The following AATK variants were observed in gnomAD, a reference collection of about 807,000 sequenced individuals.
AATK encodes lemur tail kinase 1.
Under a neutral mutation model 114.3 loss-of-function variants are expected in AATK, and 91 were observed. The observed-to-expected ratio is 0.80, with a 90% CI of 0.67 to 0.95. The LOEUF (loss-of-function observed/expected upper bound fraction) is 0.95, where lower values mean the gene tolerates loss of function less well. AATK is among the 40% of genes least tolerant of loss of function. The pLI is 0.00. For synonymous variants in AATK, 1,075 were observed against 916.5 expected (o/e 1.17, Z -3.12); for missense variants, 2,176 against 1,965.2 (o/e 1.11, Z -2.03).
chr17:81,158,111 G>C (rs895463913), intron 1 of AATK, among the ~76,000 whole-genome samples: 7 of 152,210 alleles, frequency 4.6e-5, no homozygotes, highest in Non-Finnish European at 1.0e-4. Context: ...TGCCGGCCAC[G>C]GGTATTTCTA....
intron 1 of AATK, chr17:81,165,444 G>A (rs1022078942): frequency 5.6e-6 from 2 of 356,112 alleles, no homozygotes; most frequent in Non-Finnish European, 1.1e-5. Context: ...GCTCTGTAAT[G>A]TGGACTGGCC....
chr17:81,135,929 C>A (rs750610797), intron 1 of AATK: 1 of 152,308 alleles, frequency 6.6e-6, no homozygotes, highest in Admixed American at 6.5e-5. Flanking sequence ...CGGGTAGGGC[C>A]GTGAACAGAT....
Position 81,120,234 on chromosome 17 carries a change from G to T in AATK, c.3702C>A (p.Phe1234Leu). The T allele has an allele frequency of 6.3e-7, 1 of 1,589,132 alleles. No individual in the cohort carries two copies. The change falls in exon 11 of 14, where the codon TTC (phenylalanine) becomes TTA (leucine). Residue 1234 changes from phenylalanine to leucine, a missense_variant. Around this residue, in one of 4 missense-constraint regions of AATK, gnomAD observed 1,701 missense variants for 1,394.7 expected, o/e 1.22. Transcript: ENST00000326724. ...DLERKKKAVSFFDDVTVYLFD... is the reference protein window; with the variant it reads ...DLERKKKAVSLFDDVTVYLFD... ...AGAGGTAGACGGTGACGTCGTCGAA[G>T]AAGGACACGGCCTTCTTCTTGCGTT...
intron 2 of AATK, chr17:81,133,111 G>A (rs1360376575): frequency 2.5e-6 from 1 of 404,816 alleles, no homozygotes. Flanking sequence ...AGAGCAGGGT[G>A]GGGGCTCTGG....
In AATK at chr17:81,134,465, G is replaced by A. The variant is rs1265070657; in HGVS notation, c.92C>T (p.Ser31Phe). The change falls in exon 2 of 14, where the codon TCC becomes TTC. Residue 31 changes from serine to phenylalanine, a missense_variant. Coordinates refer to ENST00000326724, the MANE Select transcript of AATK (RefSeq NM_001080395.3). ...APLSELSWPS[S>F]LAVVAVSFSG... ...GAAAGACACAGCCACCACGGCGAGGGAGGATGGCCAGGACAGCTCGCTGAG... is the reference window on the plus strand; with the variant it reads ...GAAAGACACAGCCACCACGGCGAGGAAGGATGGCCAGGACAGCTCGCTGAG... The A allele has an allele frequency of 1.2e-6, 2 of 1,613,006 alleles. No homozygotes were observed. Among genetic ancestry groups the A allele is most frequent in the Non-Finnish European group, 1.7e-6 (2 of 1,179,762 alleles).
At chr17:81,131,603 C>T (rs1235174345) in intron 2 of AATK, among the ~76,000 whole-genome samples, 1 of 152,190 alleles carries the variant, frequency 6.6e-6, no homozygotes, top group East Asian at 1.9e-4. Context: ...GCCTGAGGGT[C>T]TAGAGGCAGG....
intron 1 of AATK, among the ~76,000 whole-genome samples, chr17:81,157,055 A>T (rs1039468592): frequency 2.6e-5 from 4 of 152,210 alleles, no homozygotes; most frequent in African/African-American, 4.8e-5. Flanking sequence ...AACCATCCCC[A>T]CAGTCACTCC....
intron 9 of AATK, among the ~76,000 whole-genome samples, chr17:81,124,326 G>T (rs528983307): frequency 6.6e-6 from 1 of 152,168 alleles, no homozygotes. Context: ...TCCAGGCTGC[G>T]GCCGTGGGAG....
intron 1 of AATK, among the ~76,000 whole-genome samples, chr17:81,151,349 G>A (rs2061294817): frequency 7.6e-6 from 1 of 132,318 alleles, no homozygotes; most frequent in African/African-American, 2.8e-5. Context: ...CCCCAGAAAT[G>A]AAAGGACAGA....
chr17:81,125,050 AGGG>A, intron 7 of AATK, 36 bp from the exon 8 acceptor site: 1 of 1,238,786 alleles, frequency 8.1e-7, no homozygotes, highest in Non-Finnish European at 1.1e-6. Context: ...CAGGGTGAGC[AGGG>A]TGAGCAGGGT....
chr17:81,147,087 G>T (rs1567823384), intron 1 of AATK, among the ~76,000 whole-genome samples: 1 of 151,502 alleles, frequency 6.6e-6, no homozygotes, highest in African/African-American at 2.4e-5. Context: ...AAGAGGCCAG[G>T]CCTGGTGGCT....
At chr17:81,123,369 G>A (rs985583941) in intron 9 of AATK, 26 bp from the exon 10 acceptor site, 9 of 1,342,996 alleles carry the variant, frequency 6.7e-6, no homozygotes, top group African/African-American at 1.5e-5. Context: ...CGTGAGCCAG[G>A]GCTGGGCACA....
At chr17:81,156,639 C>G (rs985547344) in intron 1 of AATK, among the ~76,000 whole-genome samples, 1 of 152,194 alleles carries the variant, frequency 6.6e-6, no homozygotes, top group South Asian at 2.1e-4. Flanking sequence ...CCTGGTGATC[C>G]GCCTGCCTTG....
chr17:81,138,389 G>GCA, intron 1 of AATK, among the ~76,000 whole-genome samples: 1 of 135,484 alleles, frequency 7.4e-6, no homozygotes, highest in Non-Finnish European at 1.6e-5. Context: ...GGGCACACGT[G>GCA]CACACACACC....
intron 1 of AATK, 23 bp from the exon 2 acceptor site, chr17:81,134,524 G>A: frequency 6.2e-7 from 1 of 1,604,936 alleles, no homozygotes; most frequent in Non-Finnish European, 8.5e-7. Context: ...AGTGTGGTGA[G>A]AGTGGCCATG....
Position 81,118,104 on chromosome 17 carries a change from C to T in AATK, c.*298G>A, listed in dbSNP as rs77408480. On this transcript the variant is annotated 3_prime_UTR_variant, in exon 14 of 14. Coordinates refer to ENST00000326724, the MANE Select transcript of AATK (RefSeq NM_001080395.3). Reference sequence around the variant, plus strand: ...GGGCCGCCGTGCCCAGGGGCACTGGCCCCTTTTGAGTGTGTATGTGTGTAC... The same window carrying T: ...GGGCCGCCGTGCCCAGGGGCACTGGTCCCTTTTGAGTGTGTATGTGTGTAC... The T allele has an allele frequency of 5.5e-3, 1,980 of 362,976 alleles. 38 individuals are homozygous for T. Among genetic ancestry groups the T allele is most frequent in the African/African-American group, 0.039 (1,871 of 47,940 alleles). 22.5% of individuals were successfully genotyped at this position (362,976 alleles called of 1,614,324 possible). A position where few individuals can be genotyped will look rare whatever the true frequency, so the allele number is the denominator to read the frequency against.
intron 13 of AATK, 116 bp downstream of exon 13, chr17:81,119,264 A>AAGGAGCGGT: frequency 2.0e-6 from 2 of 1,004,602 alleles, no homozygotes; most frequent in Non-Finnish European, 2.6e-6. Flanking sequence ...GAAGGAGCGG[A>AAGGAGCGGT]GCGGAGCGGA....
Position 81,119,489 on chromosome 17 carries a change from AGCCGGGGCGGGTGCG to A in AATK, c.3960_3974del (p.Ala1323_Pro1327del). ...AGGGAGCGGGCGTGGGCGTGGGCGC[AGCCGGGGCGGGTGCG>A]GCCGGGTCTAGGGCCATGGCGAAGG... On this transcript the variant is annotated inframe_deletion, in exon 13 of 14. Coordinates refer to ENST00000326724, the MANE Select transcript of AATK (RefSeq NM_001080395.3). 1 of 1,488,074 alleles carries A rather than the reference AGCCGGGGCGGGTGCG, an allele frequency of 6.7e-7. No individual in the cohort carries two copies. Among genetic ancestry groups the A allele is most frequent in the African/African-American group, 1.5e-5 (1 of 65,888 alleles). The allele number at this position is 1,488,074 out of a possible 1,614,324, so 92.2% of individuals were successfully genotyped here.
Position 81,126,795 on chromosome 17 carries a change from C to T in AATK, c.622-235G>A. 2 of 1,376,090 alleles carry T rather than the reference C, an allele frequency of 1.5e-6. No individual in the cohort carries two copies. The highest frequency in any genetic ancestry group is 3.6e-5 in the South Asian group (2 of 55,236). The allele number at this position is 1,376,090 out of a possible 1,614,324, so 85.2% of individuals were successfully genotyped here. A position where few individuals can be genotyped will look rare whatever the true frequency, so the allele number is the denominator to read the frequency against. On this transcript the variant is annotated intron_variant, in intron 6 of 13. Coordinates refer to ENST00000326724, the MANE Select transcript of AATK (RefSeq NM_001080395.3). The surrounding 1 kb of genome is among the most constrained non-coding windows in gnomAD (Gnocchi z 5.1). ...CCTCTCCACTGCCCCTCAGCCAGCC[C>T]CGGGCAGCAGGAGTCCCTTGGCCTG...
Sources: allele counts gnomAD v4.1 joint callset (sites outside exome capture counted in the v4.1 genomes callset), GRCh38; gene constraint gnomAD v4.1.1; regional missense constraint gnomAD v4.1.1; non-coding constraint Gnocchi (gnomAD v3.1); transcripts MANE v1.5; gene names NCBI Gene and HGNC (gene_info 2026-07-23, HGNC 2026-07-21).